Variants in KCTD1 observed in about 807,000 individuals in gnomAD.
The protein encoded by KCTD1 is BTB/POZ domain-containing protein KCTD1.
A neutral mutation model predicts 66.0 loss-of-function variants in KCTD1; 24 were observed. The observed-to-expected ratio is 0.36, with a 90% confidence interval of 0.26 to 0.51. KCTD1 has a LOEUF of 0.51. Among genes scored for constraint, KCTD1 ranks in the 20% least tolerant of loss-of-function variants. The pLI is 0.95. For synonymous variants in KCTD1, 511 were observed against 517.2 expected, an observed-to-expected ratio of 0.99 and a Z score of 0.16; for missense variants, 943 against 1,205.2, an observed-to-expected ratio of 0.78 and a Z score of 3.22.
chr18:26,647,464 G>A (rs894177072), intron 1 of KCTD1, among the ~76,000 whole-genome samples: 22 of 140,996 alleles, frequency 1.6e-4, no homozygotes, highest in Non-Finnish European at 3.2e-4. Flanking sequence ...AGGTTGCGGT[G>A]AGCCGAGATC....
intron 1 of KCTD1, among the ~76,000 whole-genome samples, chr18:26,541,484 TA>T (rs1324129914): frequency 6.6e-6 from 1 of 152,130 alleles, no homozygotes; most frequent in Non-Finnish European, 1.5e-5. Context: ...CCCTGCCAAA[TA>T]AAAAAACCCT....
At chr18:26,508,726 TCTCACA>T (rs201061689) in intron 1 of KCTD1, among the ~76,000 whole-genome samples, 30 of 151,226 alleles carry the variant, frequency 2.0e-4, no homozygotes, top group Non-Finnish European at 3.0e-4. Flanking sequence ...TCTCTCTCTC[TCTCACA>T]CACACACACA....
At chr18:26,552,545 T>C (rs571517223), upstream of KCTD1, among the ~76,000 whole-genome samples, 1 of 152,352 alleles carries the variant, frequency 6.6e-6, no homozygotes, top group Admixed American at 6.5e-5. Flanking sequence ...TCAGGACAAA[T>C]AGTAACTACA....
chr18:26,579,385 T>C (rs1265850986), intron 1 of KCTD1, among the ~76,000 whole-genome samples: 2 of 152,236 alleles, frequency 1.3e-5, no homozygotes, highest in Non-Finnish European at 2.9e-5. Flanking sequence ...CTTTATTTTA[T>C]GCATGACCTT....
rs557121238 is a variant in KCTD1 at position 26,576,080 on chromosome 18, C to T, written c.-16+53067G>A. Reference sequence around the variant, plus strand: ...TGTAGATAGCATCGCCTCCAGGAAGCTTTGCTAACACTGCTCCATCCGCTT... The same window carrying T: ...TGTAGATAGCATCGCCTCCAGGAAGTTTTGCTAACACTGCTCCATCCGCTT... On this transcript the variant is annotated intron_variant, in intron 1 of 4. Transcript: ENST00000317932. Among the ~76,000 whole-genome samples the T allele has an allele frequency of 4.6e-5, 7 of 152,322 alleles. No homozygotes were observed. The East Asian group carries it at 1.3e-3, about 29-fold the overall frequency.
intron 1 of KCTD1, among the ~76,000 whole-genome samples, chr18:26,611,288 C>T (rs1987131698): frequency 6.6e-6 from 1 of 152,042 alleles, no homozygotes; most frequent in Non-Finnish European, 1.5e-5. Context: ...TGATTTGCCT[C>T]ACCTAACTTT....
chr18:26,614,178 G>C (rs1210963440), intron 1 of KCTD1, among the ~76,000 whole-genome samples: 2 of 152,216 alleles, frequency 1.3e-5, no homozygotes, highest in East Asian at 1.9e-4. Flanking sequence ...AACAGAAACT[G>C]TTCCTGCTAT....
At chr18:26,534,425 T>C (rs1296072682) in intron 1 of KCTD1, among the ~76,000 whole-genome samples, 7 of 152,136 alleles carry the variant, frequency 4.6e-5, no homozygotes, top group Non-Finnish European at 8.8e-5. Context: ...AAGATGTGAG[T>C]TCTCCAACTG....
Position 26,477,790 on chromosome 18 carries a change from T to C in KCTD1, c.1989-1131A>G, listed in dbSNP as rs533273655. 1.1e-3 allele frequency among the ~76,000 whole-genome samples: 169 copies of C among 152,342 alleles called. 4 individuals carry two copies. Among genetic ancestry groups the C allele is most frequent in the Non-Finnish European group, 1.3e-3 (88 of 68,020 alleles). On this transcript the variant is annotated intron_variant, in intron 2 of 4. Transcript: ENST00000580059. The stretch of plus-strand genomic sequence containing the variant: ...TTTAAAGATAATTTTAAAGTTCATG[T>C]TTTAAAATCATGTTTAAAAACTCAT...
upstream of KCTD1, among the ~76,000 whole-genome samples, chr18:26,642,020 C>G (rs1207667334): frequency 6.6e-6 from 1 of 152,254 alleles, no homozygotes; most frequent in African/African-American, 2.4e-5. Context: ...GGGCACTATG[C>G]AAAGTGCTCT....
chr18:26,524,096 C>T (rs150931588), intron 1 of KCTD1, among the ~76,000 whole-genome samples: 1 of 152,320 alleles, frequency 6.6e-6, no homozygotes, highest in African/African-American at 2.4e-5. Context: ...TCTTCTAATG[C>T]AAATACCTTG....
At chr18:26,644,783 A>C (rs1172611798), upstream of KCTD1, among the ~76,000 whole-genome samples, 1 of 150,752 alleles carries the variant, frequency 6.6e-6, no homozygotes, top group South Asian at 2.1e-4. Flanking sequence ...AGAGAGAGAG[A>C]GAGAAAGAGG....
At chr18:26,545,868 A>G (rs1349628970) in intron 1 of KCTD1, 1 of 152,164 alleles carries the variant, frequency 6.6e-6, no homozygotes, top group Non-Finnish European at 1.5e-5. Flanking sequence ...TAGGGTGGAA[A>G]TAGTTTCTTC....
intron 2 of KCTD1, among the ~76,000 whole-genome samples, chr18:26,478,790 A>G (rs1289694468): frequency 6.6e-6 from 1 of 152,186 alleles, no homozygotes; most frequent in African/African-American, 2.4e-5. Flanking sequence ...ACTTTGTTTT[A>G]TAAAATAACT....
intron 1 of KCTD1, among the ~76,000 whole-genome samples, chr18:26,525,823 A>G (rs1344683676): frequency 6.6e-6 from 1 of 152,142 alleles, no homozygotes; most frequent in Non-Finnish European, 1.5e-5. Flanking sequence ...GTGGGCTCAT[A>G]TGATCCTCCC....
chr18:26,504,975 A>G (rs967258042), intron 1 of KCTD1, among the ~76,000 whole-genome samples: 1 of 152,230 alleles, frequency 6.6e-6, no homozygotes, highest in East Asian at 1.9e-4. Context: ...AGCTGGAAGG[A>G]AGCCAGGTCC....
intron 1 of KCTD1, among the ~76,000 whole-genome samples, chr18:26,589,516 T>A (rs533067625): frequency 2.6e-5 from 4 of 152,218 alleles, no homozygotes; most frequent in Non-Finnish European, 5.9e-5. Flanking sequence ...AAGCCAGTTA[T>A]ATAAAGTCTT....
intron 1 of KCTD1, among the ~76,000 whole-genome samples, chr18:26,609,576 T>A (rs1408153844): frequency 6.6e-6 from 1 of 152,200 alleles, no homozygotes; most frequent in Non-Finnish European, 1.5e-5. Context: ...ACTTTTTAAA[T>A]AACTGATTTC....
chr18:26,483,338 G>A (rs776348931), intron 2 of KCTD1, among the ~76,000 whole-genome samples: 1 of 152,000 alleles, frequency 6.6e-6, no homozygotes, highest in African/African-American at 2.4e-5. Context: ...GCATGATCTC[G>A]GCTCACTGCA....
Sources: allele counts gnomAD v4.1 joint callset (sites outside exome capture counted in the v4.1 genomes callset), GRCh38; gene constraint gnomAD v4.1.1; transcripts MANE v1.5; gene names NCBI Gene and HGNC (gene_info 2026-07-23, HGNC 2026-07-21).